Variants in TEX14 observed in about 807,000 individuals in gnomAD.
TEX14 encodes the protein testis expressed 14, intercellular bridge forming factor.
A neutral mutation model predicts 178.6 loss-of-function variants in TEX14; 168 were observed. The observed-to-expected ratio is 0.94, with a 90% CI of 0.83 to 1.07. TEX14 has a LOEUF of 1.07. Ranked by LOEUF, TEX14 falls within the 50% of genes least tolerant of loss-of-function variation. The pLI is 0.00. For missense variants in TEX14, 1,730 were observed against 1,753.6 expected, an observed-to-expected ratio of 0.99 and a Z score of 0.24; for synonymous variants, 626 against 634.1, an observed-to-expected ratio of 0.99 and a Z score of 0.19.
chr17:58,593,521 T>C (rs2045208000), intron 15 of TEX14, 34 bp downstream of exon 15: 3 of 1,501,966 alleles, frequency 2.0e-6, no homozygotes, highest in Middle Eastern at 3.4e-4. Flanking sequence ...TCTAAAGGCA[T>C]AGTGACATTA....
chr17:58,622,521 C>T (rs2046022894), intron 4 of TEX14, among the ~76,000 whole-genome samples: 1 of 151,550 alleles, frequency 6.6e-6, no homozygotes, highest in Admixed American at 6.6e-5. Flanking sequence ...ACAATAAGGA[C>T]ATTAATAGTA....
intron 11 of TEX14, among the ~76,000 whole-genome samples, chr17:58,603,887 CTGTGTGTGTG>C (rs71143257): frequency 0.05 from 5,296 of 105,232 alleles, 174 homozygotes; most frequent in East Asian, 0.09. Context: ...TGTGATTTTA[CTGTGTGTGTG>C]TGTGTGTGTG....
chr17:58,572,505 G>A (rs1315040934), intron 23 of TEX14, among the ~76,000 whole-genome samples: 2 of 151,988 alleles, frequency 1.3e-5, no homozygotes, highest in Non-Finnish European at 2.9e-5. Flanking sequence ...GGTGGCGGGC[G>A]CCTGTAGTCC....
chr17:58,659,211 G>A (rs183673170), intron 1 of TEX14: 2 of 311,128 alleles, frequency 6.4e-6, no homozygotes, highest in African/African-American at 2.3e-5. Context: ...TTTCTCATTC[G>A]GGGAAATCGC....
chr17:58,669,685 G>T (rs1232226819), intron 1 of TEX14, among the ~76,000 whole-genome samples: 1 of 128,052 alleles, frequency 7.8e-6, no homozygotes, highest in African/African-American at 3.0e-5. Flanking sequence ...AGGGAGCTGA[G>T]ATCACGCCAC....
Position 58,596,352 on chromosome 17 carries a change from GCT to G in TEX14, c.2469+2522_2469+2523del, listed in dbSNP as rs1331988254. On this transcript the variant is annotated intron_variant, in intron 14 of 31. Transcript: ENST00000349033. ...GCTAGAGTGCTGTCACATGATTTCA[GCT>G]CACTGTAATCTCAACTTCCTGAGCT... is the stretch of plus-strand genomic sequence containing the variant. Among the ~76,000 whole-genome samples, 7 of 152,202 alleles carry G rather than the reference GCT, an allele frequency of 4.6e-5. No homozygotes were observed. The East Asian group carries it at 7.8e-4, about 17-fold the overall frequency.
intron 6 of TEX14, 78 bp downstream of exon 6, chr17:58,617,460 T>G (rs2045898760): frequency 9.6e-7 from 1 of 1,039,010 alleles, no homozygotes; most frequent in Middle Eastern, 2.1e-4. Flanking sequence ...AGGCAGGAGT[T>G]GGACAAAGGT....
At chr17:58,685,199 C>T (rs1045770596) in intron 1 of TEX14, among the ~76,000 whole-genome samples, 2 of 147,530 alleles carry the variant, frequency 1.4e-5, no homozygotes, top group Non-Finnish European at 3.0e-5. Context: ...GTTGGGAGGC[C>T]GAGGTGGGTG....
At chr17:58,657,584 G>A (rs905907490) in intron 1 of TEX14, among the ~76,000 whole-genome samples, 7 of 132,404 alleles carry the variant, frequency 5.3e-5, no homozygotes, top group African/African-American at 8.8e-5. Flanking sequence ...GTGGAATCTC[G>A]GCTCACTGCA....
chr17:58,672,706 G>A (rs1292910930), intron 1 of TEX14, among the ~76,000 whole-genome samples: 2 of 151,752 alleles, frequency 1.3e-5, no homozygotes, highest in African/African-American at 2.4e-5. Flanking sequence ...ACAACTGTGA[G>A]CCACCATACC....
intron 30 of TEX14, 31 bp downstream of exon 30, chr17:58,559,422 G>C: frequency 1.0e-6 from 1 of 984,788 alleles, no homozygotes; most frequent in Non-Finnish European, 1.6e-6. Context: ...AAGGACTACA[G>C]ACTACATTAT....
chr17:58,613,961 G>A (rs548892020), intron 8 of TEX14, among the ~76,000 whole-genome samples: 4 of 152,212 alleles, frequency 2.6e-5, no homozygotes, highest in Admixed American at 2.0e-4. Context: ...GCCATTGGGC[G>A]TGGCCTTTTG....
At position 58,621,634 on chromosome 17, in the gene TEX14, T is replaced by G. The variant is rs1397476868; in HGVS notation, c.554+16A>C. On this transcript the variant is annotated intron_variant, in intron 5 of 31. Transcript: ENST00000349033. The stretch of plus-strand genomic sequence containing the variant: ...GGTGATGGAGACTATCCCACTCTGC[T>G]CAAGGCAGTACTCACCCCTGCACGA... 1.9e-6 allele frequency: 3 copies of G among 1,606,908 alleles called. No individual in the cohort carries two copies. Among genetic ancestry groups the G allele is most frequent in the Non-Finnish European group, 2.5e-6 (3 of 1,176,672 alleles).
At chr17:58,667,949 C>T (rs1394271629) in intron 1 of TEX14, among the ~76,000 whole-genome samples, 1 of 151,578 alleles carries the variant, frequency 6.6e-6, no homozygotes, top group East Asian at 1.9e-4. Flanking sequence ...CTTATTCAGG[C>T]TTCTGAACCT....
At chr17:58,662,848 G>A (rs965049359) in intron 1 of TEX14, among the ~76,000 whole-genome samples, 5 of 152,110 alleles carry the variant, frequency 3.3e-5, no homozygotes, top group East Asian at 1.9e-4. Flanking sequence ...GACCGGGCGC[G>A]GTGGCTCACG....
intron 13 of TEX14, among the ~76,000 whole-genome samples, chr17:58,600,619 T>C (rs1354454081): frequency 6.7e-6 from 1 of 149,388 alleles, no homozygotes; most frequent in East Asian, 2.0e-4. Context: ...ATGGGAGTAA[T>C]GAAAAAACTA....
chr17:58,679,426 G>A (rs1482196685), intron 1 of TEX14: 2 of 141,906 alleles, frequency 1.4e-5, no homozygotes, highest in Non-Finnish European at 3.3e-5. Flanking sequence ...CCATTAGAAG[G>A]CATCAATCTC....
At position 58,569,204 on chromosome 17, in the gene TEX14, G is replaced by A; in HGVS notation, c.3874C>T (p.Leu1292Phe). 1 of 1,613,860 alleles carries A rather than the reference G, an allele frequency of 6.2e-7. No individual in the cohort carries two copies. ...GAACATCTCTTACCAATGTCATCAA[G>A]TAGCTCCTGAGATGGTGGTGGCAGC... ...DELPPPSQEL[L>F]DDIELLKQQQ... The change falls in exon 26 of 32, where the codon CTT becomes TTT. Residue 1292 changes from leucine (L) to phenylalanine (F), a missense_variant. By Grantham distance (22) the Leu-to-Phe change is conservative. Coordinates refer to ENST00000349033, the MANE Select transcript of TEX14 (RefSeq NM_031272.5). The surrounding 1 kb of genome is among the most constrained non-coding windows in gnomAD (Gnocchi z 4.1).
In TEX14 at chr17:58,611,229, G is replaced by A. The variant is rs755142059; in HGVS notation, c.1116C>T (p.Ser372=). ...GGGAGATGATATGGACAGCATAGGA[G>A]CTGAGGGAGCGGTGGATAAACCCCT... ...HFQGFIHRSL[S]SYAVHIISPG... The change falls in exon 10 of 32, where the codon AGC becomes AGT. Residue 372 remains serine, a synonymous_variant. Coordinates refer to ENST00000349033, the MANE Select transcript of TEX14 (RefSeq NM_031272.5). 3 of 1,613,780 alleles carry A rather than the reference G, an allele frequency of 1.9e-6. No individual in the cohort carries two copies. Among genetic ancestry groups the A allele is most frequent in the Admixed American group, 3.3e-5 (2 of 59,982 alleles).
Sources: allele counts gnomAD v4.1 joint callset (sites outside exome capture counted in the v4.1 genomes callset), GRCh38; gene constraint gnomAD v4.1.1; non-coding constraint Gnocchi (gnomAD v3.1); transcripts MANE v1.5; gene names NCBI Gene and HGNC (gene_info 2026-07-23, HGNC 2026-07-21).